The following CFAP43 variants were observed in gnomAD, a reference collection of about 807,000 sequenced individuals.
CFAP43 encodes the protein cilia and flagella associated protein 43.
CFAP43 carries 155 observed loss-of-function variants against 218.9 expected under a neutral mutation model. The observed-to-expected ratio is 0.71, with a 90% confidence interval of 0.62 to 0.81. The LOEUF (loss-of-function observed/expected upper bound fraction) is 0.81, where lower values mean the gene tolerates loss of function less well. Among genes scored for constraint, CFAP43 ranks in the 30% least tolerant of loss-of-function variants. The pLI is 0.00. For missense variants in CFAP43, 1,778 were observed against 1,954.3 expected, an observed-to-expected ratio of 0.91 and a Z score of 1.70; for synonymous variants, 645 against 681.3, an observed-to-expected ratio of 0.95 and a Z score of 0.83.
intron 27 of CFAP43, among the ~76,000 whole-genome samples, chr10:104,155,181 T>C (rs954677248): frequency 2.0e-5 from 3 of 152,144 alleles, no homozygotes; most frequent in African/African-American, 7.2e-5. Flanking sequence ...CCCCTTCACC[T>C]TGGGCTCCAT....
chr10:104,135,485 T>C (rs1220696468), intron 34 of CFAP43, among the ~76,000 whole-genome samples: 1 of 152,178 alleles, frequency 6.6e-6, no homozygotes, highest in Non-Finnish European at 1.5e-5. Context: ...GAAAGTCATA[T>C]AGAATCCACA....
At chr10:104,195,176 T>C (rs2090348455) in intron 10 of CFAP43, among the ~76,000 whole-genome samples, 1 of 152,214 alleles carries the variant, frequency 6.6e-6, no homozygotes, top group African/African-American at 2.4e-5. Context: ...CCAGGACCAC[T>C]GCCTGAAGGA....
chr10:104,230,170 TAA>T (rs11286238), intron 2 of CFAP43, among the ~76,000 whole-genome samples: 74 of 147,282 alleles, frequency 5.0e-4, no homozygotes, highest in African/African-American at 1.8e-3. Flanking sequence ...AAATGTATAT[TAA>T]AAAAAAAAAT....
chr10:104,223,690 T>C (rs1436183350), intron 3 of CFAP43, among the ~76,000 whole-genome samples: 1 of 152,228 alleles, frequency 6.6e-6, no homozygotes, highest in African/African-American at 2.4e-5. Context: ...ATCCTGTGTA[T>C]CCAGAGCTGT....
intron 3 of CFAP43, among the ~76,000 whole-genome samples, chr10:104,216,080 T>C (rs1391231222): frequency 1.3e-5 from 2 of 151,636 alleles, no homozygotes; most frequent in Non-Finnish European, 2.9e-5. Context: ...CCTTTCTATG[T>C]CTCTCCCCTC....
intron 5 of CFAP43, among the ~76,000 whole-genome samples, chr10:104,210,508 A>G (rs1426940113): frequency 6.6e-6 from 1 of 152,170 alleles, no homozygotes; most frequent in African/African-American, 2.4e-5. Context: ...CTGGGATTGC[A>G]GGCATCTGCC....
intron 14 of CFAP43, among the ~76,000 whole-genome samples, chr10:104,186,509 T>C (rs1026745427): frequency 1.3e-5 from 2 of 152,306 alleles, no homozygotes; most frequent in African/African-American, 2.4e-5. Flanking sequence ...TCTGCACGTG[T>C]CCTTCCTTTT....
At chr10:104,142,849 C>T (rs945328404) in intron 32 of CFAP43, among the ~76,000 whole-genome samples, 44 of 152,214 alleles carry the variant, frequency 2.9e-4, no homozygotes, top group Non-Finnish European at 6.5e-4. Context: ...AAAGTTGGTT[C>T]TGCTGAGCCA....
intron 20 of CFAP43, among the ~76,000 whole-genome samples, chr10:104,171,808 A>C (rs1219284679): frequency 1.3e-5 from 2 of 152,246 alleles, no homozygotes; most frequent in Non-Finnish European, 2.9e-5. Context: ...GCTTTTCTCT[A>C]CACTGGACAG....
At chr10:104,168,676 T>G in intron 21 of CFAP43, 68 bp downstream of exon 21, 4 of 1,376,536 alleles carry the variant, frequency 2.9e-6, no homozygotes, top group Middle Eastern at 1.8e-4. Context: ...TAAATTTATT[T>G]TTAAAACTTT....
Position 104,142,283 on chromosome 10 carries a change from G to A in CFAP43, c.4269C>T (p.Ile1423=), listed in dbSNP as rs1167339832. 6.2e-7 allele frequency: 1 copy of A among 1,609,108 alleles called. No individual in the cohort carries two copies. Among genetic ancestry groups the A allele is most frequent in the Non-Finnish European group, 8.5e-7 (1 of 1,177,446 alleles). ...QEIERVFHEL[I]LLQEEKVRFQ... ...CATGAAAGAAAGCTTCAAATTACAGGATGAGTTCATGGAACACTCTCTCAA... is the reference window on the plus strand; with the variant it reads ...CATGAAAGAAAGCTTCAAATTACAGAATGAGTTCATGGAACACTCTCTCAA... Residue 1423 remains isoleucine, a splice_region_variant and synonymous_variant, in exon 33 of 38, where the codon ATC becomes ATT. Coordinates refer to ENST00000357060, the MANE Select transcript of CFAP43 (RefSeq NM_025145.7).
At chr10:104,148,939 C>T (rs1164120814) in intron 28 of CFAP43, among the ~76,000 whole-genome samples, 2 of 152,098 alleles carry the variant, frequency 1.3e-5, no homozygotes, top group African/African-American at 4.8e-5. Flanking sequence ...ACAACAAACT[C>T]CTGTGACATG....
In CFAP43 at chr10:104,152,707, T is replaced by G; in HGVS notation, c.3560A>C (p.Lys1187Thr). The G allele has an allele frequency of 6.2e-7, 1 of 1,611,764 alleles. No homozygotes were observed. Among genetic ancestry groups the G allele is most frequent in the Non-Finnish European group, 8.5e-7 (1 of 1,179,464 alleles). The stretch of plus-strand genomic sequence containing the variant: ...TTCTTGAATAGAGTTTTGAAGTTTC[T>G]TCAGTTCTGCTTCTAATGACTAAAA... Reference protein sequence around the residue: ...KYRKSLEAELKKLQNSIQEST... With the variant: ...KYRKSLEAELTKLQNSIQEST... The change falls in exon 28 of 38, where the codon AAG (lysine) becomes ACG (threonine). Residue 1187 changes from lysine to threonine, a missense_variant. Around this residue, in one of 3 missense-constraint regions of CFAP43, gnomAD observed 1,553 missense variants for 1,685.2 expected, o/e 0.92. Transcript: ENST00000357060.
At chr10:104,216,605 G>A (rs2091018513) in intron 3 of CFAP43, among the ~76,000 whole-genome samples, 1 of 152,024 alleles carries the variant, frequency 6.6e-6, no homozygotes, top group Non-Finnish European at 1.5e-5. Flanking sequence ...TCAATCGATG[G>A]GATACAGGAG....
Position 104,166,677 on chromosome 10 carries a change from C to T in CFAP43, c.2850G>A (p.Leu950=), listed in dbSNP as rs1589685334. The T allele has an allele frequency of 1.9e-6, 3 of 1,613,894 alleles. No homozygotes were observed. Among genetic ancestry groups the T allele is most frequent in the Non-Finnish European group, 2.5e-6 (3 of 1,179,946 alleles). Residue 950 remains leucine, a synonymous_variant, in exon 23 of 38, where the codon TTG becomes TTA. Coordinates refer to ENST00000357060, the MANE Select transcript of CFAP43 (RefSeq NM_025145.7). ...CATCCTCTTCATGACGCTGTTTAAT[C>T]AACTTAACTCCAGACTGAGCCTCTA... ...EIVEAQSGVK[L]IKQRHEEDDE...
intron 10 of CFAP43, among the ~76,000 whole-genome samples, chr10:104,196,331 C>A (rs1417071649): frequency 1.3e-5 from 2 of 152,180 alleles, no homozygotes; most frequent in Non-Finnish European, 2.9e-5. Flanking sequence ...AACTTTCTTT[C>A]ATTTCTAATT....
intron 3 of CFAP43, among the ~76,000 whole-genome samples, chr10:104,215,871 C>G (rs1589799259): frequency 1.3e-5 from 2 of 152,294 alleles, no homozygotes; most frequent in Admixed American, 6.5e-5. Context: ...TCTCCCCTTA[C>G]AATGGAAGGT....
At chr10:104,193,730 T>A (rs1449927623) in intron 11 of CFAP43, 136 bp downstream of exon 11, 1 of 1,225,756 alleles carries the variant, frequency 8.2e-7, no homozygotes, top group Admixed American at 2.7e-5. Context: ...TTTTGAGTGT[T>A]GAACTGTGTG....
intron 22 of CFAP43, among the ~76,000 whole-genome samples, chr10:104,167,105 C>G (rs1006790780): frequency 6.6e-6 from 1 of 152,188 alleles, no homozygotes; most frequent in African/African-American, 2.4e-5. Flanking sequence ...ACGAATTAAG[C>G]ATGCCTTCTT....
Sources: gnomAD v4.1 joint callset for allele counts (sites outside exome capture counted in the v4.1 genomes callset) on GRCh38, gnomAD v4.1.1 for gene constraint, gnomAD v4.1.1 regional missense constraint, MANE v1.5 for transcripts, NCBI Gene and HGNC (gene_info 2026-07-23, HGNC 2026-07-21) for gene names.